The following EZH2 variants were observed in gnomAD, a reference collection of about 807,000 sequenced individuals.
The protein encoded by EZH2 is enhancer of zeste 2 polycomb repressive complex 2 subunit, also known as histone-lysine N-methyltransferase EZH2.
A neutral mutation model predicts 98.4 loss-of-function variants in EZH2; 18 were observed. The ratio of observed to expected loss-of-function variants is 0.18; its 90% CI spans 0.13 to 0.27. The LOEUF (loss-of-function observed/expected upper bound fraction) is 0.27, where lower values mean the gene tolerates loss of function less well. EZH2 is among the 10% of genes least tolerant of loss of function. EZH2 has a pLI of 1.00. For missense variants in EZH2, 470 were observed against 935.1 expected, an observed-to-expected ratio of 0.50 and a Z score of 6.49; for synonymous variants, 338 against 312.3, an observed-to-expected ratio of 1.08 and a Z score of -0.87.
intron 1 of EZH2, among the ~76,000 whole-genome samples, chr7:148,860,498 A>G (rs1817506768): frequency 6.6e-6 from 1 of 152,180 alleles, no homozygotes; most frequent in South Asian, 2.1e-4. Flanking sequence ...AATTATTCAC[A>G]TAGTAATTAG....
At chr7:148,813,125 TCTC>T (rs1419375524) in intron 15 of EZH2, among the ~76,000 whole-genome samples, 1 of 152,010 alleles carries the variant, frequency 6.6e-6, no homozygotes, top group African/African-American at 2.4e-5. Context: ...GAGGATTTGA[TCTC>T]CTGCTCCTTT....
At chr7:148,867,004 G>A (rs1818648288) in intron 1 of EZH2, among the ~76,000 whole-genome samples, 4 of 150,628 alleles carry the variant, frequency 2.7e-5, no homozygotes, top group South Asian at 2.1e-4. Flanking sequence ...GTGAGCCACT[G>A]TGCCTGGCCA....
chr7:148,852,790 G>A (rs1816085399), intron 1 of EZH2, among the ~76,000 whole-genome samples: 1 of 152,162 alleles, frequency 6.6e-6, no homozygotes, highest in East Asian at 1.9e-4. Context: ...TATGAGCCAA[G>A]AAATTCCCAT....
At chr7:148,862,899 TTTTG>T (rs533342822) in intron 1 of EZH2, among the ~76,000 whole-genome samples, 16 of 147,020 alleles carry the variant, frequency 1.1e-4, no homozygotes, top group Admixed American at 4.9e-4. Context: ...AACATGGTTT[TTTTG>T]TTTGTTTTTG....
At chr7:148,809,522 CTTCA>C in intron 17 of EZH2, 132 bp from the exon 18 acceptor site, 1 of 608,304 alleles carries the variant, frequency 1.6e-6, no homozygotes. Context: ...AATCAAGCAG[CTTCA>C]TTCAGTAAGA....
chr7:148,832,862 A>G, intron 3 of EZH2, 112 bp from the exon 4 acceptor site: 2 of 606,588 alleles, frequency 3.3e-6, no homozygotes, highest in Non-Finnish European at 5.7e-6. Flanking sequence ...TTGAAAAAAA[A>G]GTCCTTACCT....
At chr7:148,832,457 A>G (rs1256893338) in intron 4 of EZH2, among the ~76,000 whole-genome samples, 177 bp downstream of exon 4, 1 of 152,224 alleles carries the variant, frequency 6.6e-6, no homozygotes, top group Non-Finnish European at 1.5e-5. Flanking sequence ...AAAGAGTAAT[A>G]CTGCACAGGC....
intron 1 of EZH2, among the ~76,000 whole-genome samples, chr7:148,862,048 C>T (rs2129488416): frequency 6.6e-6 from 1 of 151,880 alleles, no homozygotes; most frequent in Non-Finnish European, 1.5e-5. Flanking sequence ...TACACCAAAA[C>T]AGTTCTATTA....
In EZH2 at chr7:148,832,779, T is replaced by C. The variant is rs368413432; in HGVS notation, c.247-29A>G. The C allele has an allele frequency of 1.5e-5, 22 of 1,420,594 alleles. No homozygotes were observed. The African/African-American group carries it at 2.8e-4, about 18-fold the overall frequency. The allele number at this position is 1,420,594 out of a possible 1,614,324, so 88.0% of individuals were successfully genotyped here. ...AAACAGAAAAAATAAAATTGACTCT[T>C]AAGAATAAAAGGACAACCTTAAGCT... On this transcript the variant is annotated intron_variant, in intron 3 of 19. Coordinates refer to ENST00000320356, the MANE Select transcript of EZH2 (RefSeq NM_004456.5).
intron 1 of EZH2, among the ~76,000 whole-genome samples, chr7:148,880,693 T>C (rs1179868294): frequency 1.3e-5 from 2 of 152,246 alleles, no homozygotes; most frequent in Non-Finnish European, 2.9e-5. Context: ...GTTCCTCACA[T>C]GAATACTAAC....
At position 148,815,559 on chromosome 7, in the gene EZH2, A is replaced by G. The variant is rs778651288; in HGVS notation, c.1506-13T>C. ...TGCAGCCCACAACCTGCAAAAACACAAAGAAAATTAAACCAAATTTCTGCG... is the reference window on the plus strand; with the variant it reads ...TGCAGCCCACAACCTGCAAAAACACGAAGAAAATTAAACCAAATTTCTGCG... On this transcript the variant is annotated splice_polypyrimidine_tract_variant and intron_variant, in intron 12 of 19. Coordinates refer to ENST00000320356, the MANE Select transcript of EZH2 (RefSeq NM_004456.5). The G allele has an allele frequency of 7.1e-5, 114 of 1,613,596 alleles. 3 individuals carry two copies. In the South Asian group the frequency reaches 1.2e-3, roughly 17 times the overall value.
intron 1 of EZH2, among the ~76,000 whole-genome samples, chr7:148,862,381 A>G (rs1817801588): frequency 6.6e-6 from 1 of 152,234 alleles, no homozygotes. Context: ...CTCATCAGAA[A>G]GTCTTTAAGT....
rs900254236 is a variant in EZH2, at chr7:148,811,546, T to C, written c.1947+79A>G. 6 of 1,141,152 alleles carry C rather than the reference T, an allele frequency of 5.3e-6. No individual in the cohort carries two copies. The African/African-American group carries it at 9.3e-5, about 18-fold the overall frequency. The allele number at this position is 1,141,152 out of a possible 1,614,324, so 70.7% of individuals were successfully genotyped here. On this transcript the variant is annotated intron_variant, in intron 16 of 19. Coordinates refer to ENST00000320356, the MANE Select transcript of EZH2 (RefSeq NM_004456.5). ...TTCATTTCCAATCAAACCCACAGACTTACCTAATAAAATCAATCTAAAATA... is the reference window on the plus strand; with the variant it reads ...TTCATTTCCAATCAAACCCACAGACCTACCTAATAAAATCAATCTAAAATA...
At chr7:148,838,062 CCTT>C (rs1811361983) in intron 3 of EZH2, among the ~76,000 whole-genome samples, 1 of 107,448 alleles carries the variant, frequency 9.3e-6, no homozygotes, top group Non-Finnish European at 1.9e-5. Flanking sequence ...AGTTTAGACT[CCTT>C]TTTTTTTTTT....
In EZH2 at chr7:148,846,506, G is replaced by A. The variant is rs758166909; in HGVS notation, c.210C>T (p.Ile70=). The change falls in exon 3 of 20, where the codon ATC becomes ATT. Residue 70 remains isoleucine, a synonymous_variant. Transcript: ENST00000320356. ...WKQRRIQPVH[I]LTSVSSLRGT... ...CGCGCAATGAGCTCACAGAAGTCAGGATGTGCACAGGCTGTATCCTTCGCT... is the reference window on the plus strand; with the variant it reads ...CGCGCAATGAGCTCACAGAAGTCAGAATGTGCACAGGCTGTATCCTTCGCT... 2 of 1,613,830 alleles carry A rather than the reference G, an allele frequency of 1.2e-6. No individual in the cohort carries two copies. Among genetic ancestry groups the A allele is most frequent in the Admixed American group, 1.7e-5 (1 of 60,002 alleles).
chr7:148,809,444 C>A, intron 17 of EZH2, 54 bp from the exon 18 acceptor site: 3 of 1,413,580 alleles, frequency 2.1e-6, no homozygotes, highest in Non-Finnish European at 2.0e-6. Flanking sequence ...TATAAGTAAA[C>A]CAAGTTATTA....
chr7:148,861,542 T>C (rs948173726), intron 1 of EZH2, among the ~76,000 whole-genome samples: 1 of 152,180 alleles, frequency 6.6e-6, no homozygotes, highest in African/African-American at 2.4e-5. Flanking sequence ...TATTATTTTA[T>C]TGGCTTTTTT....
chr7:148,861,022 G>A (rs1489053362), intron 1 of EZH2, among the ~76,000 whole-genome samples: 1 of 151,924 alleles, frequency 6.6e-6, no homozygotes, highest in African/African-American at 2.4e-5. Flanking sequence ...CAGTATCCAT[G>A]GGGGTCTAGG....
At chr7:148,866,580 A>G (rs1301582081) in intron 1 of EZH2, among the ~76,000 whole-genome samples, 1 of 146,980 alleles carries the variant, frequency 6.8e-6, no homozygotes, top group South Asian at 2.1e-4. Context: ...ATACGTATAT[A>G]CATATATTGT....
Sources: gnomAD v4.1 joint callset for allele counts (sites outside exome capture counted in the v4.1 genomes callset) on GRCh38, gnomAD v4.1.1 for gene constraint, MANE v1.5 for transcripts, NCBI Gene and HGNC (gene_info 2026-07-23, HGNC 2026-07-21) for gene names.